The following FANCL variants were observed in gnomAD, a reference collection of about 807,000 sequenced individuals.
The protein encoded by FANCL is E3 ubiquitin-protein ligase FANCL.
In FANCL, 69 loss-of-function variants were observed where a neutral mutation model predicts 59.4. The ratio of observed to expected loss-of-function variants is 1.16; its 90% confidence interval spans 0.96 to 1.42. The LOEUF (loss-of-function observed/expected upper bound fraction) is 1.42. Among genes scored for constraint, FANCL ranks in the 40% most tolerant of loss-of-function variants. The probability of loss-of-function intolerance (pLI) is 0.00; values close to 1 mark genes in which losing one functional copy is unlikely to be tolerated. For missense variants in FANCL, 519 were observed against 447.2 expected (o/e 1.16, Z -1.45); for synonymous variants, 180 against 147.1 (o/e 1.22, Z -1.62).
At chr2:58,221,121 G>A (rs1692434673) in intron 5 of FANCL, among the ~76,000 whole-genome samples, 1 of 152,082 alleles carries the variant, frequency 6.6e-6, no homozygotes, top group African/African-American at 2.4e-5. Context: ...GCTGAGGCAG[G>A]GGAATGGCGT....
intron 5 of FANCL, among the ~76,000 whole-genome samples, chr2:58,212,300 A>C (rs1691251293): frequency 6.6e-6 from 1 of 152,214 alleles, no homozygotes; most frequent in Non-Finnish European, 1.5e-5. Context: ...AGACTTATTC[A>C]TTACCATGAG....
rs562420293 is a variant in FANCL, at chr2:58,179,550, G to C, written c.541-13676C>G. On this transcript the variant is annotated intron_variant, in intron 7 of 13. Transcript: ENST00000233741. ...TAGCCATATGCAGAAAACTCAAACG[G>C]GACCCCTCCCTTACACCTTATACAA... Among the ~76,000 whole-genome samples, 9 of 152,070 alleles carry C rather than the reference G, an allele frequency of 5.9e-5. No homozygotes were observed. In the East Asian group the frequency reaches 1.7e-3, roughly 29 times the overall value.
intron 4 of FANCL, among the ~76,000 whole-genome samples, chr2:58,224,393 T>A (rs1230718906): frequency 6.6e-6 from 1 of 151,902 alleles, no homozygotes; most frequent in Non-Finnish European, 1.5e-5. Context: ...CATTAAGGCC[T>A]TTGATGTAAT....
At chr2:58,196,736 T>C (rs1460160803) in intron 7 of FANCL, among the ~76,000 whole-genome samples, 1 of 151,946 alleles carries the variant, frequency 6.6e-6, no homozygotes, top group Non-Finnish European at 1.5e-5. Flanking sequence ...GATAAATGCC[T>C]GGGGAAACTT....
intron 3 of FANCL, among the ~76,000 whole-genome samples, chr2:58,228,429 T>C (rs1693247101): frequency 6.6e-6 from 1 of 152,214 alleles, no homozygotes; most frequent in Non-Finnish European, 1.5e-5. Flanking sequence ...TCCCCTTAGT[T>C]TATTACAGAT....
In FANCL at chr2:58,182,837, T is replaced by C. The variant is rs953502293; in HGVS notation, c.540+15757A>G. Among the ~76,000 whole-genome samples, 7 of 151,730 alleles carry C rather than the reference T, an allele frequency of 4.6e-5. No homozygotes were observed. The East Asian group carries it at 1.2e-3, about 25-fold the overall frequency. Reference sequence around the variant, plus strand: ...CTGGTGATACTAACAATATAGAAGATGCAATAGAGTATGCTGATTAAGATC... The same window carrying C: ...CTGGTGATACTAACAATATAGAAGACGCAATAGAGTATGCTGATTAAGATC... On this transcript the variant is annotated intron_variant, in intron 7 of 13. Transcript: ENST00000233741.
chr2:58,199,065 G>A (rs1689733556), intron 6 of FANCL, among the ~76,000 whole-genome samples: 1 of 151,628 alleles, frequency 6.6e-6, no homozygotes, highest in Admixed American at 6.6e-5. Flanking sequence ...GATATATTGG[G>A]GGAAAACATA....
chr2:58,177,465 G>A (rs1393389385), intron 7 of FANCL, among the ~76,000 whole-genome samples: 6 of 152,006 alleles, frequency 3.9e-5, no homozygotes, highest in Non-Finnish European at 8.8e-5. Context: ...AAAAGGATGA[G>A]TTCATGTCCT....
intron 5 of FANCL, among the ~76,000 whole-genome samples, chr2:58,221,525 TATA>T (rs1692479483): frequency 6.6e-6 from 1 of 152,174 alleles, no homozygotes; most frequent in Non-Finnish European, 1.5e-5. Context: ...CAAAAGCACT[TATA>T]ATGTTATATA....
At chr2:58,169,735 G>C (rs558257914) in intron 7 of FANCL, among the ~76,000 whole-genome samples, 8 of 151,920 alleles carry the variant, frequency 5.3e-5, no homozygotes, top group Non-Finnish European at 7.4e-5. Flanking sequence ...GAAAAACACA[G>C]CACGAGAACT....
At chr2:58,233,514 G>C (rs1184155716) in intron 1 of FANCL, among the ~76,000 whole-genome samples, 1 of 151,952 alleles carries the variant, frequency 6.6e-6, no homozygotes, top group African/African-American at 2.4e-5. Context: ...ATACCAAAAA[G>C]CTACATCAAT....
rs766302163 is a variant in FANCL, at chr2:58,204,246, A to G, written c.375-20T>C. 4.4e-6 allele frequency: 7 copies of G among 1,584,562 alleles called. No homozygotes were observed. Among genetic ancestry groups the G allele is most frequent in the Non-Finnish European group, 6.1e-6 (7 of 1,153,216 alleles). Reference sequence around the variant, plus strand: ...ACAAGTCTGGTGAGCAGAGGAGAATAAAAAATGATCACACCGGGGAGAGCT... The same window carrying G: ...ACAAGTCTGGTGAGCAGAGGAGAATGAAAAATGATCACACCGGGGAGAGCT... On this transcript the variant is annotated intron_variant, in intron 5 of 13. Coordinates refer to ENST00000233741, the MANE Select transcript of FANCL (RefSeq NM_018062.4).
Position 58,215,138 on chromosome 2 carries a change from C to A in FANCL, c.374+6804G>T, listed in dbSNP as rs187026516. On this transcript the variant is annotated intron_variant, in intron 5 of 13. Coordinates refer to ENST00000233741, the MANE Select transcript of FANCL (RefSeq NM_018062.4). ...CTGAAGATAAGTCAAAATAATATTT[C>A]TTTATTCCATCAATCTATACCTAAA... 3.9e-3 allele frequency among the ~76,000 whole-genome samples: 594 copies of A among 152,272 alleles called. 5 individuals are homozygous for A. The highest frequency in any genetic ancestry group is 6.5e-3 in the Non-Finnish European group (444 of 67,994).
At chr2:58,175,300 C>T (rs1228585267) in intron 7 of FANCL, among the ~76,000 whole-genome samples, 5 of 148,862 alleles carry the variant, frequency 3.4e-5, no homozygotes, top group Non-Finnish European at 1.5e-5. Context: ...CAGCATCATT[C>T]TGATACCAAA....
intron 5 of FANCL, among the ~76,000 whole-genome samples, chr2:58,221,633 G>A (rs965404616): frequency 1.3e-5 from 2 of 152,062 alleles, no homozygotes; most frequent in Non-Finnish European, 2.9e-5. Context: ...ATGTGTCTCA[G>A]CATTACTCTT....
intron 6 of FANCL, among the ~76,000 whole-genome samples, chr2:58,203,601 A>G (rs1256590465): frequency 6.6e-6 from 1 of 152,054 alleles, no homozygotes; most frequent in Non-Finnish European, 1.5e-5. Flanking sequence ...TCACTATCCT[A>G]TAAGGGATCT....
At chr2:58,205,727 AAGAAG>A (rs1690515787) in intron 5 of FANCL, among the ~76,000 whole-genome samples, 1 of 152,140 alleles carries the variant, frequency 6.6e-6, no homozygotes, top group Non-Finnish European at 1.5e-5. Flanking sequence ...TAAAACAGAA[AAGAAG>A]AGAGAACAAG....
intron 1 of FANCL, among the ~76,000 whole-genome samples, chr2:58,236,039 A>C (rs1189083350): frequency 6.6e-6 from 1 of 151,586 alleles, no homozygotes; most frequent in Non-Finnish European, 1.5e-5. Flanking sequence ...CAGAGGACAG[A>C]AAAGGAGGAA....
chr2:58,241,300 T>G lies in FANCL; in HGVS notation c.14A>C (p.Glu5Ala). 6.2e-7 allele frequency: 1 copy of G among 1,614,216 alleles called. No individual in the cohort carries two copies. The highest frequency in any genetic ancestry group is 8.5e-7 in the Non-Finnish European group (1 of 1,180,028). MAVT[E>A]ASLLRQCPLL... ...GGGGCACTGGCGCAACAGGCTCGCT[T>G]CCGTCACCGCCATGGCTCGAAGTCC... The change falls in exon 1 of 14, where the codon GAA becomes GCA. Residue 5 changes from glutamate to alanine, a missense_variant. Glu to Ala is a moderately radical substitution (Grantham distance 107). Transcript: ENST00000233741.
Sources: gnomAD v4.1 joint callset for allele counts (sites outside exome capture counted in the v4.1 genomes callset) on GRCh38, gnomAD v4.1.1 for gene constraint, MANE v1.5 for transcripts, NCBI Gene and HGNC (gene_info 2026-07-23, HGNC 2026-07-21) for gene names.